ZDHHC11B: variants seen among roughly 807,000 people sequenced by gnomAD.
ZDHHC11B encodes the protein zDHHC palmitoyltransferase 11B (putative).
In ZDHHC11B, 17 loss-of-function variants were observed where a neutral mutation model predicts 42.3. The ratio of observed to expected loss-of-function variants is 0.40; its 90% CI spans 0.27 to 0.60. ZDHHC11B has a LOEUF of 0.60. Ranked by LOEUF, ZDHHC11B falls within the 20% of genes least tolerant of loss-of-function variation. The pLI, the probability that ZDHHC11B is intolerant of heterozygous loss-of-function variation, is 0.41. For missense variants in ZDHHC11B, 262 were observed against 463.2 expected (o/e 0.57, Z 3.99); for synonymous variants, 123 against 193.5 (o/e 0.64, Z 3.02).
At chr5:756,968 G>A (rs1369354536) in intron 4 of ZDHHC11B, among the ~76,000 whole-genome samples, 1 of 151,782 alleles carries the variant, frequency 6.6e-6, no homozygotes, top group Non-Finnish European at 1.5e-5. Flanking sequence ...TCTGGGCTCG[G>A]AGCCTGGCTG....
intron 10 of ZDHHC11B, among the ~76,000 whole-genome samples, chr5:735,814 G>T (rs1269958352): frequency 6.7e-6 from 1 of 149,696 alleles, no homozygotes; most frequent in African/African-American, 2.5e-5. Flanking sequence ...ATACTAAAAG[G>T]AGTTCCAAAT....
chr5:746,516 G>C (rs1338598836), intron 8 of ZDHHC11B, among the ~76,000 whole-genome samples: 2 of 132,946 alleles, frequency 1.5e-5, no homozygotes, highest in East Asian at 6.2e-4. Flanking sequence ...GCCACACTTG[G>C]TCTGGGCTTT....
At chr5:783,510 G>A (rs1737010269) in intron 1 of ZDHHC11B, among the ~76,000 whole-genome samples, 1 of 152,222 alleles carries the variant, frequency 6.6e-6, no homozygotes, top group African/African-American at 2.4e-5. Flanking sequence ...GGGCGGAGGG[G>A]CCCAGTCCTC....
At chr5:779,770 A>G (rs72503647) in intron 1 of ZDHHC11B, among the ~76,000 whole-genome samples, 24,785 of 146,588 alleles carry the variant, frequency 0.17, 1,455 homozygotes, top group East Asian at 0.35. Context: ...CTGCAGGAAA[A>G]GATTCTTAGA....
At chr5:776,489 GAA>G (rs1358177856) in intron 1 of ZDHHC11B, among the ~76,000 whole-genome samples, 1 of 151,934 alleles carries the variant, frequency 6.6e-6, no homozygotes, top group African/African-American at 2.4e-5. Context: ...GGGCTGAGGG[GAA>G]AGTCTCCACT....
intron 12 of ZDHHC11B, 111 bp downstream of exon 12, chr5:730,323 T>C (rs1742923231): frequency 2.3e-6 from 3 of 1,310,088 alleles, no homozygotes; most frequent in Non-Finnish European, 3.1e-6. Context: ...CTTTCCCTTA[T>C]GTCATCAGAA....
chr5:772,834 T>A (rs2150235845), intron 1 of ZDHHC11B, among the ~76,000 whole-genome samples: 1 of 151,848 alleles, frequency 6.6e-6, no homozygotes, highest in Non-Finnish European at 1.5e-5. Context: ...GGGTCTCACG[T>A]GGGGACTCGC....
intron 13 of ZDHHC11B, among the ~76,000 whole-genome samples, chr5:715,042 G>A (rs1458483829): frequency 2.0e-5 from 3 of 149,210 alleles, no homozygotes; most frequent in Admixed American, 6.7e-5. Context: ...GAAGAAGGCT[G>A]AGACCCTCAC....
intron 12 of ZDHHC11B, among the ~76,000 whole-genome samples, chr5:719,640 AG>A (rs1742035517): frequency 6.6e-6 from 1 of 151,338 alleles, no homozygotes; most frequent in Non-Finnish European, 1.5e-5. Context: ...AAAAAAAAAA[AG>A]AATGAAAGAG....
chr5:751,390 CA>C (rs1435164954), intron 6 of ZDHHC11B, 133 bp from the exon 7 acceptor site: 1 of 147,812 alleles, frequency 6.8e-6, no homozygotes, highest in Non-Finnish European at 1.2e-5. Flanking sequence ...GGCACAGCGG[CA>C]GGGGGCACGC....
intron 1 of ZDHHC11B, among the ~76,000 whole-genome samples, chr5:773,797 C>T (rs1736246732): frequency 6.6e-6 from 1 of 151,714 alleles, no homozygotes; most frequent in Admixed American, 6.6e-5. Context: ...AGGGCCAGGA[C>T]CTGCTTGGAG....
At chr5:732,611 C>T in intron 11 of ZDHHC11B, 5 of 448,708 alleles carry the variant, frequency 1.1e-5, no homozygotes, top group South Asian at 7.9e-5. Context: ...ATTTTCATTT[C>T]CAAGTCACAG....
intron 1 of ZDHHC11B, among the ~76,000 whole-genome samples, chr5:777,133 C>G (rs944845405): frequency 6.6e-5 from 10 of 151,924 alleles, no homozygotes; most frequent in African/African-American, 2.4e-4. Context: ...CCTGGAGTTT[C>G]TTCCTTCAGA....
intron 13 of ZDHHC11B, among the ~76,000 whole-genome samples, chr5:714,392 A>C (rs1741593231): frequency 6.9e-6 from 1 of 144,822 alleles, no homozygotes; most frequent in South Asian, 2.2e-4. Context: ...TGGAGGGGTA[A>C]GGTGTAATAC....
rs1735784803 is a variant in ZDHHC11B at position 769,464 on chromosome 5, C to T, written c.-229-534G>A. Reference sequence around the variant, plus strand: ...ATAAGCTGAAGATTATATAGATCAGCCCGTTTCTATCCTTCACACACTGGA... The same window carrying T: ...ATAAGCTGAAGATTATATAGATCAGTCCGTTTCTATCCTTCACACACTGGA... On this transcript the variant is annotated intron_variant, in intron 1 of 13. Transcript: ENST00000508859. 2.0e-5 allele frequency among the ~76,000 whole-genome samples: 3 copies of T among 150,940 alleles called. No homozygotes were observed. In the South Asian group the frequency reaches 6.4e-4, roughly 32 times the overall value.
At chr5:777,026 C>T (rs774292910) in intron 1 of ZDHHC11B, among the ~76,000 whole-genome samples, 11 of 151,858 alleles carry the variant, frequency 7.2e-5, no homozygotes, top group Non-Finnish European at 1.6e-4. Context: ...GCACAGGACG[C>T]AGTGTGTCTG....
At chr5:752,186 AC>A (rs1745865076) in intron 6 of ZDHHC11B, among the ~76,000 whole-genome samples, 1 of 96,790 alleles carries the variant, frequency 1.0e-5, no homozygotes, top group Non-Finnish European at 2.3e-5. Context: ...GTGCCGTGGC[AC>A]CCAGGAGGGC....
At chr5:718,369 G>A (rs1741922419) in intron 12 of ZDHHC11B, among the ~76,000 whole-genome samples, 1 of 151,714 alleles carries the variant, frequency 6.6e-6, no homozygotes, top group African/African-American at 2.4e-5. Context: ...GTATGGGAGA[G>A]TGCTTGAAGA....
intron 6 of ZDHHC11B, among the ~76,000 whole-genome samples, chr5:754,230 A>T (rs201350260): frequency 1.2e-4 from 3 of 25,330 alleles, no homozygotes; most frequent in South Asian, 1.3e-3. Context: ...CGTCTCATCT[A>T]TGAGCCTCCA....
Sources: gnomAD v4.1 joint callset for allele counts (sites outside exome capture counted in the v4.1 genomes callset) on GRCh38, gnomAD v4.1.1 for gene constraint, MANE v1.5 for transcripts, NCBI Gene and HGNC (gene_info 2026-07-23, HGNC 2026-07-21) for gene names.